Variants in RTKN2 observed in about 807,000 individuals in gnomAD.
RTKN2 encodes the protein rhotekin 2.
Under a neutral mutation model 71.5 loss-of-function variants are expected in RTKN2, and 69 were observed. The ratio of observed to expected loss-of-function variants is 0.96; its 90% CI spans 0.79 to 1.18. RTKN2 has a LOEUF of 1.18. RTKN2 is among the 50% of genes most tolerant of loss of function. The pLI, the probability that RTKN2 is intolerant of heterozygous loss-of-function variation, is 0.00. For missense variants in RTKN2, 724 were observed against 719.7 expected, an observed-to-expected ratio of 1.01 and a Z score of -0.07; for synonymous variants, 236 against 236.5, an observed-to-expected ratio of 1.00 and a Z score of 0.02.
In RTKN2 at chr10:62,268,841, G is replaced by A. The variant is rs1039722042; in HGVS notation, c.-231C>T. The A allele has an allele frequency of 7.5e-6, 4 of 534,648 alleles. No individual in the cohort carries two copies. The East Asian group carries it at 1.4e-4, about 18-fold the overall frequency. 33.1% of individuals were successfully genotyped at this position (534,648 alleles called of 1,614,324 possible). On this transcript the variant is annotated 5_prime_UTR_variant, in exon 1 of 12. Coordinates refer to ENST00000373789, the MANE Select transcript of RTKN2 (RefSeq NM_145307.4). Reference sequence around the variant, plus strand: ...CGAGACCCCAGGCTCTAGCGCGGCGGGGCGGGGGAGAGGGCGGCGGTGCCG... The same window carrying A: ...CGAGACCCCAGGCTCTAGCGCGGCGAGGCGGGGGAGAGGGCGGCGGTGCCG...
chr10:62,199,798 G>T lies in RTKN2; in HGVS notation c.1250C>A (p.Pro417His). 1 of 1,613,602 alleles carries T rather than the reference G, an allele frequency of 6.2e-7. No individual in the cohort carries two copies. The highest frequency in any genetic ancestry group is 8.5e-7 in the Non-Finnish European group (1 of 1,179,684). The change falls in exon 11 of 12, where the codon CCT (proline) becomes CAT (histidine). Residue 417 changes from proline (P) to histidine (H), a missense_variant. Coordinates refer to ENST00000373789, the MANE Select transcript of RTKN2 (RefSeq NM_145307.4). Reference protein sequence around the residue: ...KIEIMSPRKPPLFLTKEATSV... With the variant: ...KIEIMSPRKPHLFLTKEATSV... ...GGTTGCCTCTTTTGTCAAGAACAAAGGTGGTTTCCGTGGTGACATAATCTC... is the reference window on the plus strand; with the variant it reads ...GGTTGCCTCTTTTGTCAAGAACAAATGTGGTTTCCGTGGTGACATAATCTC...
chr10:62,227,568 C>T (rs1842055475), intron 6 of RTKN2, among the ~76,000 whole-genome samples: 1 of 152,092 alleles, frequency 6.6e-6, no homozygotes, highest in Non-Finnish European at 1.5e-5. Flanking sequence ...GACAGACAGA[C>T]AATACCACAG....
chr10:62,260,968 A>G (rs1418972741), intron 2 of RTKN2, among the ~76,000 whole-genome samples: 1 of 152,212 alleles, frequency 6.6e-6, no homozygotes, highest in Admixed American at 6.5e-5. Context: ...ATCCCCAGGA[A>G]TAAGAAAGCA....
chr10:62,223,441 C>G, intron 6 of RTKN2, 109 bp from the exon 7 acceptor site: 1 of 670,260 alleles, frequency 1.5e-6, no homozygotes, highest in Non-Finnish European at 2.7e-6. Context: ...TAAAGATAAG[C>G]AAAGGACGTG....
chr10:62,236,983 A>C (rs543380979), intron 5 of RTKN2, among the ~76,000 whole-genome samples: 8 of 152,014 alleles, frequency 5.3e-5, no homozygotes, highest in African/African-American at 1.7e-4. Context: ...GGGAGAGGAA[A>C]TGGGGAGATA....
intron 6 of RTKN2, among the ~76,000 whole-genome samples, chr10:62,226,456 T>G (rs916229503): frequency 6.6e-6 from 1 of 152,224 alleles, no homozygotes; most frequent in East Asian, 1.9e-4. Flanking sequence ...AAGATAACTC[T>G]CTATACCCAG....
Position 62,198,082 on chromosome 10 carries a change from T to C in RTKN2, c.1656A>G (p.Leu552=), listed in dbSNP as rs140048670. ...TTCGAGGAGCAGCCATTGGTTTCTG[T>C]AAGTGATGCATTAGAGTTGATAGTT... ...DTKLSTLMHH[L]QKPMAAPRKL... is the part of the protein sequence containing the mutation. Residue 552 remains leucine (L), a synonymous_variant, in exon 12 of 12, where the codon TTA becomes TTG. Transcript: ENST00000373789. The C allele has an allele frequency of 3.5e-5, 56 of 1,614,030 alleles. No homozygotes were observed. Among genetic ancestry groups the C allele is most frequent in the Non-Finnish European group, 4.7e-5 (55 of 1,179,990 alleles).
At chr10:62,220,784 C>A (rs1841888361) in intron 7 of RTKN2, among the ~76,000 whole-genome samples, 1 of 151,488 alleles carries the variant, frequency 6.6e-6, no homozygotes, top group South Asian at 2.1e-4. Context: ...AAACCAAAGG[C>A]AAAAATAAAT....
intron 9 of RTKN2, among the ~76,000 whole-genome samples, chr10:62,209,003 C>T (rs1421924908): frequency 6.6e-6 from 1 of 152,172 alleles, no homozygotes; most frequent in East Asian, 1.9e-4. Context: ...GGTGCGGTGG[C>T]TCATGCCAGT....
downstream of RTKN2, among the ~76,000 whole-genome samples, chr10:62,188,895 T>G (rs914534001): frequency 6.6e-6 from 1 of 151,550 alleles, no homozygotes; most frequent in South Asian, 2.1e-4. Flanking sequence ...CTACAGGCGC[T>G]TGCCACCACG....
At chr10:62,267,540 T>G (rs1342020342) in intron 1 of RTKN2, among the ~76,000 whole-genome samples, 1 of 152,226 alleles carries the variant, frequency 6.6e-6, no homozygotes, top group African/African-American at 2.4e-5. Flanking sequence ...TAAAACAGCA[T>G]AAGTATTACT....
intron 6 of RTKN2, among the ~76,000 whole-genome samples, chr10:62,226,358 G>A (rs1842023919): frequency 6.6e-6 from 1 of 152,078 alleles, no homozygotes; most frequent in African/African-American, 2.4e-5. Flanking sequence ...ATGTATGCAT[G>A]CACTTCAATA....
rs947364217 is a variant in RTKN2, at chr10:62,196,834, G to A, written c.*1074C>T. 3.1e-6 allele frequency: 3 copies of A among 977,616 alleles called. No individual in the cohort carries two copies. In the African/African-American group the frequency reaches 5.3e-5, roughly 17 times the overall value. 60.6% of individuals were successfully genotyped at this position (977,616 alleles called of 1,614,324 possible). On this transcript the variant is annotated 3_prime_UTR_variant, in exon 12 of 12. Coordinates refer to ENST00000373789, the MANE Select transcript of RTKN2 (RefSeq NM_145307.4). Reference sequence around the variant, plus strand: ...AAAAATGGATTTTTTGTTCCTTTAAGGTATTTTTCTGCTATTTATTCCTCA... The same window carrying A: ...AAAAATGGATTTTTTGTTCCTTTAAAGTATTTTTCTGCTATTTATTCCTCA...
At position 62,262,838 on chromosome 10, in the gene RTKN2, T is replaced by C. The variant is rs763269455; in HGVS notation, c.61-17A>G. The stretch of plus-strand genomic sequence containing the variant: ...GTTGCAGTCCTAAAAAAAAAATGCA[T>C]CTTGAAAATATAGCAAAAACCCAAA... On this transcript the variant is annotated splice_polypyrimidine_tract_variant and intron_variant, in intron 1 of 11. Transcript: ENST00000373789. 1.3e-6 allele frequency: 2 copies of C among 1,564,556 alleles called. No individual in the cohort carries two copies. Among genetic ancestry groups the C allele is most frequent in the Non-Finnish European group, 8.7e-7 (1 of 1,148,244 alleles).
chr10:62,243,083 T>C (rs1440588144), intron 3 of RTKN2, among the ~76,000 whole-genome samples: 1 of 150,716 alleles, frequency 6.6e-6, no homozygotes, highest in Non-Finnish European at 1.5e-5. Flanking sequence ...GCTGCACCCA[T>C]TAACTCATCA....
chr10:62,230,425 C>A (rs1330143260), intron 6 of RTKN2, among the ~76,000 whole-genome samples: 1 of 152,168 alleles, frequency 6.6e-6, no homozygotes, highest in South Asian at 2.1e-4. Flanking sequence ...GATCCACCCA[C>A]CTCGGCCTCC....
intron 3 of RTKN2, among the ~76,000 whole-genome samples, chr10:62,243,119 G>A (rs900251390): frequency 7.0e-6 from 1 of 142,370 alleles, no homozygotes. Flanking sequence ...ATCTCCTAAT[G>A]CTATCCCTCC....
At chr10:62,255,722 G>C (rs570714343) in intron 2 of RTKN2, among the ~76,000 whole-genome samples, 1 of 152,162 alleles carries the variant, frequency 6.6e-6, no homozygotes, top group Non-Finnish European at 1.5e-5. Flanking sequence ...AACTGCAAAG[G>C]GAAAACCATT....
intron 9 of RTKN2, among the ~76,000 whole-genome samples, chr10:62,212,940 T>C (rs543126165): frequency 9.2e-5 from 14 of 152,260 alleles, no homozygotes; most frequent in African/African-American, 3.4e-4. Context: ...AACTCCAATA[T>C]ATATTACCAA....
Sources: allele counts gnomAD v4.1 joint callset (sites outside exome capture counted in the v4.1 genomes callset), GRCh38; gene constraint gnomAD v4.1.1; transcripts MANE v1.5; gene names NCBI Gene and HGNC (gene_info 2026-07-23, HGNC 2026-07-21).